The following SLC5A10 variants were observed in gnomAD, a reference collection of about 807,000 sequenced individuals.
SLC5A10 encodes the protein solute carrier family 5 member 10, also known as sodium/mannose cotransporter SLC5A10.
In SLC5A10, 55 loss-of-function variants were observed where a neutral mutation model predicts 68.9. The observed-to-expected ratio is 0.80, with a 90% CI of 0.64 to 1.00. The LOEUF is 1.00. SLC5A10 is among the 50% of genes least tolerant of loss of function. The pLI is 0.00. For missense variants in SLC5A10, 732 were observed against 819.3 expected, an observed-to-expected ratio of 0.89 and a Z score of 1.30; for synonymous variants, 344 against 344.8, an observed-to-expected ratio of 1.00 and a Z score of 0.02.
At chr17:18,979,233 T>A in intron 9 of SLC5A10, 1 of 469,278 alleles carries the variant, frequency 2.1e-6, no homozygotes, top group Non-Finnish European at 3.9e-6. Flanking sequence ...CCCCATGTGG[T>A]GGTGCCCACA....
chr17:18,981,917 G>A (rs1201387806), intron 9 of SLC5A10, among the ~76,000 whole-genome samples: 1 of 152,168 alleles, frequency 6.6e-6, no homozygotes, highest in Non-Finnish European at 1.5e-5. Context: ...GAGGTGGTAC[G>A]AGGCCTTCCC....
At chr17:19,002,301 C>T (rs1175853607) in intron 9 of SLC5A10, among the ~76,000 whole-genome samples, 1 of 152,188 alleles carries the variant, frequency 6.6e-6, no homozygotes, top group African/African-American at 2.4e-5. Context: ...GGCCAGGCGC[C>T]CCCACCCAGC....
chr17:18,982,992 C>G (rs1210421292), intron 9 of SLC5A10, among the ~76,000 whole-genome samples: 3 of 152,246 alleles, frequency 2.0e-5, no homozygotes, highest in Non-Finnish European at 4.4e-5. Context: ...GTGTCCAGCT[C>G]CCAGTGGGTG....
At chr17:18,955,525 C>T (rs1042947856) in intron 1 of SLC5A10, among the ~76,000 whole-genome samples, 1 of 152,192 alleles carries the variant, frequency 6.6e-6, no homozygotes, top group African/African-American at 2.4e-5. Context: ...GCCCCCAGAG[C>T]CCCAGATATA....
rs758459672 is a variant in SLC5A10, at chr17:18,976,935, C to T, written c.928C>T (p.Leu310Phe). 1.9e-6 allele frequency: 3 copies of T among 1,613,318 alleles called. No individual in the cohort carries two copies. Among genetic ancestry groups the T allele is most frequent in the Non-Finnish European group, 2.5e-6 (3 of 1,179,828 alleles). ...GSILASYLKM[L>F]PMGLIIMPGM... ...CATCCTGGCCAGCTACCTCAAGATG[C>T]TCCCCATGGGCCTGATCATCATGCC... Residue 310 changes from leucine to phenylalanine, a missense_variant, in exon 9 of 15, where the codon CTC becomes TTC. By Grantham distance (22) the Leu-to-Phe change is conservative. Coordinates refer to ENST00000395645, the MANE Select transcript of SLC5A10 (RefSeq NM_001042450.4).
chr17:18,959,146 C>T lies in SLC5A10; in HGVS notation c.195C>T (p.Ser65=), dbSNP rs544704182. ...RDMTWWPIGA[S]LFASSEGSGL... The stretch of plus-strand genomic sequence containing the variant: ...TTTCTCTCCTCCAGATTGGAGCCTC[C>T]CTCTTCGCCAGCAGCGAGGGCTCTG... Residue 65 remains serine, a synonymous_variant, in exon 3 of 15, where the codon TCC becomes TCT. Coordinates refer to ENST00000395645, the MANE Select transcript of SLC5A10 (RefSeq NM_001042450.4). 4.3e-6 allele frequency: 7 copies of T among 1,610,426 alleles called. No homozygotes were observed. In the South Asian group the frequency reaches 5.5e-5, roughly 13 times the overall value.
intron 9 of SLC5A10, chr17:18,978,244 A>G: frequency 6.3e-7 from 1 of 1,595,616 alleles, no homozygotes; most frequent in Non-Finnish European, 8.5e-7. Flanking sequence ...GGGGAGGGCA[A>G]GGCTCTGGAC....
In SLC5A10 at chr17:18,958,552, G is replaced by A. The variant is rs1475261022; in HGVS notation, c.112-130G>A. On this transcript the variant is annotated intron_variant, in intron 1 of 14. Coordinates refer to ENST00000395645, the MANE Select transcript of SLC5A10 (RefSeq NM_001042450.4). ...TTCAATTCTTTTGGACATATACCTAGGAGTGGAACTTCTGGGTCATATGGT... is the reference window on the plus strand; with the variant it reads ...TTCAATTCTTTTGGACATATACCTAAGAGTGGAACTTCTGGGTCATATGGT... 18 of 673,594 alleles carry A rather than the reference G, an allele frequency of 2.7e-5. No homozygotes were observed. The Admixed American group carries it at 3.0e-4, about 11-fold the overall frequency. 41.7% of individuals were successfully genotyped at this position (673,594 alleles called of 1,614,324 possible).
chr17:18,959,374 C>A, intron 3 of SLC5A10, 135 bp downstream of exon 3: 1 of 969,394 alleles, frequency 1.0e-6, no homozygotes, highest in Non-Finnish European at 1.6e-6. Context: ...GTTCCTGGGC[C>A]AAATCGTGTC....
chr17:18,987,282 T>A (rs969276663), intron 9 of SLC5A10, among the ~76,000 whole-genome samples: 3 of 152,222 alleles, frequency 2.0e-5, no homozygotes, highest in Admixed American at 6.5e-5. Context: ...ACATGGGGTA[T>A]GTGGCTCCAT....
Position 18,975,419 on chromosome 17 carries a change from G to A in SLC5A10, c.847-1435G>A, listed in dbSNP as rs535614632. Among the ~76,000 whole-genome samples, 12 of 152,358 alleles carry A rather than the reference G, an allele frequency of 7.9e-5. No homozygotes were observed. The South Asian group carries it at 1.7e-3, about 21-fold the overall frequency. On this transcript the variant is annotated intron_variant, in intron 8 of 14. Coordinates refer to ENST00000395645, the MANE Select transcript of SLC5A10 (RefSeq NM_001042450.4). ...AAAATCACGGAGGCAGCCGGATGCG[G>A]TGGCTCACACCTGTAATCCCAGCAC...
At chr17:18,959,494 C>T in intron 3 of SLC5A10, 110 bp from the exon 4 acceptor site, 1 of 1,239,132 alleles carries the variant, frequency 8.1e-7, no homozygotes, top group Non-Finnish European at 1.2e-6. Context: ...TCAGGAGGGG[C>T]TGGGGGAAGC....
intron 8 of SLC5A10, among the ~76,000 whole-genome samples, chr17:18,972,505 C>A (rs1208738192): frequency 6.6e-6 from 1 of 152,204 alleles, no homozygotes. Context: ...CTCTGCTCTT[C>A]CTCTCCCAAG....
At chr17:18,983,738 C>T (rs943935212) in intron 9 of SLC5A10, among the ~76,000 whole-genome samples, 6 of 152,204 alleles carry the variant, frequency 3.9e-5, no homozygotes, top group Non-Finnish European at 8.8e-5. Context: ...TCACCCTGGA[C>T]TTCTCCAGGC....
intron 11 of SLC5A10, among the ~76,000 whole-genome samples, 177 bp downstream of exon 11, chr17:19,015,376 C>T (rs1597914206): frequency 6.6e-6 from 1 of 152,176 alleles, no homozygotes; most frequent in East Asian, 1.9e-4. Context: ...CTCCTGTCCA[C>T]CTCTGTGTGA....
intron 9 of SLC5A10, among the ~76,000 whole-genome samples, chr17:19,011,783 G>C (rs2044019801): frequency 6.6e-6 from 1 of 151,784 alleles, no homozygotes; most frequent in Non-Finnish European, 1.5e-5. Flanking sequence ...GGGTGCCAGG[G>C]TAGGGGACAC....
At chr17:18,989,888 G>C (rs937962356) in intron 9 of SLC5A10, among the ~76,000 whole-genome samples, 1 of 152,192 alleles carries the variant, frequency 6.6e-6, no homozygotes, top group Admixed American at 6.5e-5. Flanking sequence ...GTCAGGTCAG[G>C]GTTGGTCTCC....
intron 9 of SLC5A10, among the ~76,000 whole-genome samples, chr17:18,991,047 G>T (rs1257277582): frequency 6.6e-6 from 1 of 152,100 alleles, no homozygotes; most frequent in African/African-American, 2.4e-5. Context: ...CTGTTACCTT[G>T]TTCAGGCCTC....
At chr17:18,978,694 C>T in intron 9 of SLC5A10, 2 of 1,613,022 alleles carry the variant, frequency 1.2e-6, no homozygotes, top group Non-Finnish European at 1.7e-6. Flanking sequence ...GCACAATAGG[C>T]TCCGGCTCCG....
Sources: allele counts gnomAD v4.1 joint callset (sites outside exome capture counted in the v4.1 genomes callset), GRCh38; gene constraint gnomAD v4.1.1; transcripts MANE v1.5; gene names NCBI Gene and HGNC (gene_info 2026-07-23, HGNC 2026-07-21).